The following RAB3C variants were observed in gnomAD, a reference collection of about 807,000 sequenced individuals.
RAB3C encodes RAB3C, member RAS oncogene family, also known as ras-related protein Rab-3C.
A neutral mutation model predicts 26.4 loss-of-function variants in RAB3C; 17 were observed. The observed-to-expected ratio is 0.64, with a 90% CI of 0.44 to 0.97. The LOEUF (loss-of-function observed/expected upper bound fraction) is 0.97. Ranked by LOEUF, RAB3C falls within the 50% of genes least tolerant of loss-of-function variation. The probability of loss-of-function intolerance (pLI) is 0.00; values close to 1 mark genes in which losing one functional copy is unlikely to be tolerated. For synonymous variants in RAB3C, 91 were observed against 95.9 expected, an observed-to-expected ratio of 0.95 and a Z score of 0.30; for missense variants, 242 against 281.9, an observed-to-expected ratio of 0.86 and a Z score of 1.01.
At chr5:58,602,913 T>A (rs1746487967) in intron 1 of RAB3C, among the ~76,000 whole-genome samples, 1 of 152,162 alleles carries the variant, frequency 6.6e-6, no homozygotes. Context: ...AGGTCCTGTG[T>A]GATTTATGCT....
At position 58,859,193 on chromosome 5, in the gene RAB3C, T is replaced by C. The variant is rs1050283467; in HGVS notation, c.*7842T>C. Reference sequence around the variant, plus strand: ...ACTCTTCATGTGTCCACAGGAGCTCTTGTGTGGGTTTAAAGCTATGAAGTG... The same window carrying C: ...ACTCTTCATGTGTCCACAGGAGCTCCTGTGTGGGTTTAAAGCTATGAAGTG... On this transcript the variant is annotated 3_prime_UTR_variant, in exon 5 of 5. Transcript: ENST00000282878. 6.6e-6 allele frequency: 1 copy of C among 152,226 alleles called. No individual in the cohort carries two copies. The highest frequency in any genetic ancestry group is 1.5e-5 in the Non-Finnish European group (1 of 68,028). The allele number at this position is 152,226 out of a possible 1,614,324, so 9.4% of individuals were successfully genotyped here. A position where few individuals can be genotyped will look rare whatever the true frequency, so the allele number is the denominator to read the frequency against.
chr5:58,654,772 A>C (rs140324721), intron 2 of RAB3C, among the ~76,000 whole-genome samples: 417 of 152,284 alleles, frequency 2.7e-3, no homozygotes, highest in African/African-American at 9.1e-3. Context: ...AAAAATGCTT[A>C]AACATGTTTG....
At chr5:58,771,886 T>A (rs1029751215) in intron 3 of RAB3C, among the ~76,000 whole-genome samples, 4 of 150,388 alleles carry the variant, frequency 2.7e-5, no homozygotes, top group Admixed American at 1.3e-4. Context: ...CTGGCAGAGG[T>A]TAATGGCAAA....
chr5:58,715,575 A>T (rs1241695795), intron 2 of RAB3C, among the ~76,000 whole-genome samples: 3 of 152,098 alleles, frequency 2.0e-5, no homozygotes, highest in Non-Finnish European at 2.9e-5. Flanking sequence ...GGAGAATTTC[A>T]TTGACTTTAG....
At chr5:58,700,842 G>A (rs948815110) in intron 2 of RAB3C, among the ~76,000 whole-genome samples, 4 of 152,122 alleles carry the variant, frequency 2.6e-5, no homozygotes, top group African/African-American at 9.7e-5. Context: ...AAAAAATTGA[G>A]AGCACTTGGT....
intron 4 of RAB3C, among the ~76,000 whole-genome samples, chr5:58,831,958 C>G (rs558302161): frequency 1.3e-5 from 2 of 152,150 alleles, no homozygotes; most frequent in African/African-American, 4.8e-5. Context: ...GGGACCCAGA[C>G]AACAGTATGT....
chr5:58,778,449 A>T (rs1742197961), intron 3 of RAB3C, among the ~76,000 whole-genome samples: 1 of 152,120 alleles, frequency 6.6e-6, no homozygotes, highest in African/African-American at 2.4e-5. Context: ...ATGTAGAGTC[A>T]TGCCCATGCC....
At chr5:58,654,284 A>G (rs1747717228) in intron 2 of RAB3C, among the ~76,000 whole-genome samples, 1 of 152,186 alleles carries the variant, frequency 6.6e-6, no homozygotes, top group African/African-American at 2.4e-5. Context: ...GGCAGATATT[A>G]AAAGGTTTTC....
chr5:58,645,772 A>G (rs1747504485), intron 2 of RAB3C, among the ~76,000 whole-genome samples: 1 of 152,134 alleles, frequency 6.6e-6, no homozygotes, highest in Non-Finnish European at 1.5e-5. Flanking sequence ...TTAATTGAAG[A>G]GTGAAGGATT....
At chr5:58,755,472 G>T (rs1741634934) in intron 3 of RAB3C, among the ~76,000 whole-genome samples, 1 of 152,160 alleles carries the variant, frequency 6.6e-6, no homozygotes, top group African/African-American at 2.4e-5. Context: ...TCTCATGTCT[G>T]AATACTGAAG....
In RAB3C at chr5:58,851,381, G is replaced by A. The variant is rs185044900; in HGVS notation, c.*30G>A. ...CCCGTGCACACAGGCAGCTCCAGGG[G>A]GCTCTGGTTGCCAACAAACAGCATT... On this transcript the variant is annotated 3_prime_UTR_variant, in exon 5 of 5. Coordinates refer to ENST00000282878, the MANE Select transcript of RAB3C (RefSeq NM_138453.4). 8.8e-5 allele frequency: 134 copies of A among 1,531,068 alleles called. No homozygotes were observed. In the East Asian group the frequency reaches 2.8e-3, roughly 32 times the overall value. The allele number at this position is 1,531,068 out of a possible 1,614,324, so 94.8% of individuals were successfully genotyped here. A position where few individuals can be genotyped will look rare whatever the true frequency, so the allele number is the denominator to read the frequency against.
intron 2 of RAB3C, among the ~76,000 whole-genome samples, chr5:58,636,785 C>G (rs1277049361): frequency 6.6e-6 from 1 of 152,182 alleles, no homozygotes; most frequent in Non-Finnish European, 1.5e-5. Context: ...AAGGCAATAA[C>G]AGACCACCAA....
At chr5:58,726,235 A>G (rs1561301674) in intron 3 of RAB3C, 115 bp downstream of exon 3, 2 of 532,536 alleles carry the variant, frequency 3.8e-6, no homozygotes, top group East Asian at 3.0e-5. Context: ...ACATTACACT[A>G]CAATCCCGCT....
chr5:58,583,041 G>C, upstream of RAB3C: 1 of 1,453,588 alleles, frequency 6.9e-7, no homozygotes, highest in South Asian at 1.4e-5. Context: ...CTCCTCGGCA[G>C]TACGCGTGTG....
At chr5:58,652,938 C>T (rs1288525642) in intron 2 of RAB3C, among the ~76,000 whole-genome samples, 1 of 151,890 alleles carries the variant, frequency 6.6e-6, no homozygotes, top group African/African-American at 2.4e-5. Flanking sequence ...TTAAAAATCA[C>T]GTTGAATTTG....
At chr5:58,633,630 G>C (rs1747231569) in intron 2 of RAB3C, among the ~76,000 whole-genome samples, 1 of 152,096 alleles carries the variant, frequency 6.6e-6, no homozygotes, top group Admixed American at 6.5e-5. Flanking sequence ...CTATCGTTCA[G>C]ATTTTGATTT....
At chr5:58,811,135 G>T (rs1743077838) in intron 3 of RAB3C, among the ~76,000 whole-genome samples, 1 of 152,206 alleles carries the variant, frequency 6.6e-6, no homozygotes, top group Non-Finnish European at 1.5e-5. Flanking sequence ...TGCACAGCCT[G>T]CAGCTGAACC....
intron 2 of RAB3C, among the ~76,000 whole-genome samples, chr5:58,669,703 T>A (rs1217436313): frequency 6.6e-6 from 1 of 152,188 alleles, no homozygotes; most frequent in Non-Finnish European, 1.5e-5. Flanking sequence ...AAAACAGATC[T>A]AACAATATTA....
chr5:58,637,640 G>T (rs1747317472), intron 2 of RAB3C, among the ~76,000 whole-genome samples: 1 of 152,074 alleles, frequency 6.6e-6, no homozygotes, highest in Admixed American at 6.6e-5. Context: ...CCCACTCAAG[G>T]CTTAGTCATA....
Sources: allele counts gnomAD v4.1 joint callset (sites outside exome capture counted in the v4.1 genomes callset), GRCh38; gene constraint gnomAD v4.1.1; transcripts MANE v1.5; gene names NCBI Gene and HGNC (gene_info 2026-07-23, HGNC 2026-07-21).